The following DDAH1 variants were observed in gnomAD, a reference collection of about 807,000 sequenced individuals.
The protein encoded by DDAH1 is N(G),N(G)-dimethylarginine dimethylaminohydrolase 1.
A neutral mutation model predicts 28.8 loss-of-function variants in DDAH1; 19 were observed. The observed-to-expected ratio is 0.66, with a 90% CI of 0.46 to 0.97. The LOEUF (loss-of-function observed/expected upper bound fraction) is 0.97. Ranked by LOEUF, DDAH1 falls within the 50% of genes least tolerant of loss-of-function variation. DDAH1 has a pLI of 0.00. For missense variants in DDAH1, 326 were observed against 375.9 expected (o/e 0.87, Z 1.10); for synonymous variants, 153 against 154.4 (o/e 0.99, Z 0.07).
chr1:85,358,854 A>G lies in DDAH1; in HGVS notation c.304-7T>C. 6.4e-7 allele frequency: 1 copy of G among 1,573,652 alleles called. No individual in the cohort carries two copies. Among genetic ancestry groups the G allele is most frequent in the Non-Finnish European group, 8.7e-7 (1 of 1,155,228 alleles). ...CTTCTTTCATCATGTCAACCTGTTGAAAATAAAATGATTCAGATTACTATG... is the reference window on the plus strand; with the variant it reads ...CTTCTTTCATCATGTCAACCTGTTGGAAATAAAATGATTCAGATTACTATG... On this transcript the variant is annotated splice_region_variant and splice_polypyrimidine_tract_variant and intron_variant, in intron 1 of 5. Transcript: ENST00000284031.
chr1:85,389,032 A>G (rs1258853444), intron 1 of DDAH1, among the ~76,000 whole-genome samples: 1 of 152,116 alleles, frequency 6.6e-6, no homozygotes, highest in Admixed American at 6.6e-5. Context: ...TTCCTCACCC[A>G]TAAAATGATC....
intron 1 of DDAH1, among the ~76,000 whole-genome samples, chr1:85,443,553 A>G (rs999638516): frequency 1.5e-4 from 23 of 152,152 alleles, no homozygotes; most frequent in Admixed American, 3.3e-4. Flanking sequence ...GTTTTTTCCA[A>G]TTCTCTGAAG....
intron 1 of DDAH1, among the ~76,000 whole-genome samples, chr1:85,511,965 T>C (rs1657252245): frequency 1.3e-5 from 2 of 152,156 alleles, no homozygotes; most frequent in East Asian, 3.9e-4. Context: ...TTCCAATCAA[T>C]AGAAAAAGAG....
chr1:85,464,004 T>C lies in DDAH1; in HGVS notation c.303+739A>G, dbSNP rs757154833. ...AACAGAAAAACTCTCTTAATTGCTG[T>C]GAGTTTAAAAATATAGAGAATAAAA... On this transcript the variant is annotated intron_variant, in intron 1 of 5. Coordinates refer to ENST00000284031, the MANE Select transcript of DDAH1 (RefSeq NM_012137.4). This position sits in a 1 kb window ranked among gnomAD's most constrained non-coding sequence, Gnocchi z 4.4. Among the ~76,000 whole-genome samples, 5 of 152,224 alleles carry C rather than the reference T, an allele frequency of 3.3e-5. No homozygotes were observed. Among genetic ancestry groups the C allele is most frequent in the Non-Finnish European group, 7.3e-5 (5 of 68,042 alleles).
chr1:85,472,724 A>T (rs1202043395), intron 2 of DDAH1, among the ~76,000 whole-genome samples: 1 of 152,148 alleles, frequency 6.6e-6, no homozygotes, highest in South Asian at 2.1e-4. Flanking sequence ...GTGTTGCTCC[A>T]AACTTTTTTT....
intron 1 of DDAH1, among the ~76,000 whole-genome samples, chr1:85,435,963 TGTGTG>T (rs1653922018): frequency 6.7e-6 from 1 of 149,152 alleles, no homozygotes; most frequent in African/African-American, 2.5e-5. Context: ...GCTAATTTTG[TGTGTG>T]TGTGTGTGTG....
chr1:85,495,315 C>G (rs528817206), intron 2 of DDAH1: 1 of 152,224 alleles, frequency 6.6e-6, no homozygotes, highest in East Asian at 1.9e-4. Flanking sequence ...CCTGTTATTC[C>G]AAGCAAAGTC....
upstream of DDAH1, among the ~76,000 whole-genome samples, chr1:85,465,619 G>T (rs1655348986): frequency 6.6e-6 from 1 of 152,124 alleles, no homozygotes. Flanking sequence ...TAAATCCCAC[G>T]GGTCCCAGTT....
intron 1 of DDAH1, among the ~76,000 whole-genome samples, chr1:85,390,289 T>C (rs1300817010): frequency 1.3e-5 from 2 of 152,200 alleles, no homozygotes; most frequent in Non-Finnish European, 2.9e-5. Flanking sequence ...TCCTACCTTC[T>C]AGTTAGAACT....
intron 1 of DDAH1, among the ~76,000 whole-genome samples, chr1:85,372,023 C>A (rs1368221948): frequency 6.6e-6 from 1 of 151,566 alleles, no homozygotes; most frequent in Non-Finnish European, 1.5e-5. Flanking sequence ...TTTTTTCCTT[C>A]CTAGTCCTTA....
At chr1:85,518,921 G>A (rs1657568691) in intron 1 of DDAH1, among the ~76,000 whole-genome samples, 1 of 152,036 alleles carries the variant, frequency 6.6e-6, no homozygotes. Flanking sequence ...CTCAGAAAAT[G>A]TTAGCTATCA....
chr1:85,529,503 C>T (rs1442347346), intron 1 of DDAH1, among the ~76,000 whole-genome samples: 1 of 150,234 alleles, frequency 6.7e-6, no homozygotes, highest in African/African-American at 2.5e-5. Context: ...TTGGACTGGC[C>T]CCTTCCTCAG....
chr1:85,361,927 C>T (rs1049558195), intron 1 of DDAH1, among the ~76,000 whole-genome samples: 53 of 152,250 alleles, frequency 3.5e-4, no homozygotes, highest in Non-Finnish European at 5.6e-4. Flanking sequence ...ACATACAAGT[C>T]ACACAGTATT....
intron 1 of DDAH1, among the ~76,000 whole-genome samples, chr1:85,512,662 C>A (rs1657289178): frequency 6.6e-6 from 1 of 152,222 alleles, no homozygotes; most frequent in Non-Finnish European, 1.5e-5. Flanking sequence ...TCTCAGGATA[C>A]AAAATCAATG....
chr1:85,350,324 C>G (rs1328295769), intron 4 of DDAH1, 91 bp downstream of exon 4: 2 of 1,508,986 alleles, frequency 1.3e-6, no homozygotes, highest in Non-Finnish European at 1.8e-6. Flanking sequence ...CCCTGCCAAC[C>G]CTGCTTGTTA....
At chr1:85,445,278 G>A (rs1654382442) in intron 1 of DDAH1, among the ~76,000 whole-genome samples, 1 of 152,184 alleles carries the variant, frequency 6.6e-6, no homozygotes, top group Non-Finnish European at 1.5e-5. Context: ...GGACATGATA[G>A]CTCTAGGAGT....
At chr1:85,483,336 A>T (rs919247201) in intron 2 of DDAH1, among the ~76,000 whole-genome samples, 1 of 152,166 alleles carries the variant, frequency 6.6e-6, no homozygotes, top group Non-Finnish European at 1.5e-5. Context: ...ACCAGAGAGG[A>T]TGTTACGTTG....
At position 85,372,258 on chromosome 1, in the gene DDAH1, T is replaced by C. The variant is rs559254840; in HGVS notation, c.304-13411A>G. 5.3e-5 allele frequency among the ~76,000 whole-genome samples: 8 copies of C among 152,314 alleles called. No homozygotes were observed. The South Asian group carries it at 1.7e-3, about 32-fold the overall frequency. ...AGTGAAAAAACACCAGCTGAGTATT[T>C]GGATGCTTATAAATATTAAGTAAAG... On this transcript the variant is annotated intron_variant, in intron 1 of 5. Coordinates refer to ENST00000284031, the MANE Select transcript of DDAH1 (RefSeq NM_012137.4).
chr1:85,409,759 T>C (rs995668942), intron 1 of DDAH1, among the ~76,000 whole-genome samples: 1 of 152,212 alleles, frequency 6.6e-6, no homozygotes, highest in Non-Finnish European at 1.5e-5. Flanking sequence ...AATGCATATA[T>C]AAGTTTTCAA....
Sources: allele counts gnomAD v4.1 joint callset (sites outside exome capture counted in the v4.1 genomes callset), GRCh38; gene constraint gnomAD v4.1.1; non-coding constraint Gnocchi (gnomAD v3.1); transcripts MANE v1.5; gene names NCBI Gene and HGNC (gene_info 2026-07-23, HGNC 2026-07-21).